DARS2: variants seen among roughly 807,000 people sequenced by gnomAD.
DARS2 encodes aspartyl-tRNA synthetase 2, mitochondrial, also known as aspartate--tRNA ligase, mitochondrial.
A neutral mutation model predicts 83.0 loss-of-function variants in DARS2; 63 were observed. The observed-to-expected ratio is 0.76, with a 90% CI of 0.62 to 0.94. DARS2 has a LOEUF of 0.94. Ranked by LOEUF, DARS2 falls within the 40% of genes least tolerant of loss-of-function variation. DARS2 has a pLI of 0.00. For synonymous variants in DARS2, 250 were observed against 269.3 expected (o/e 0.93, Z 0.70); for missense variants, 675 against 774.4 (o/e 0.87, Z 1.52).
chr1:173,830,561 C>A, intron 3 of DARS2, 99 bp from the exon 4 acceptor site: 1 of 965,542 alleles, frequency 1.0e-6, no homozygotes, highest in Non-Finnish European at 1.7e-6. Flanking sequence ...GGTAATTAAG[C>A]TGTGACTATT....
intron 7 of DARS2, 86 bp from the exon 8 acceptor site, chr1:173,836,854 T>G: frequency 9.2e-7 from 1 of 1,089,230 alleles, no homozygotes; most frequent in Non-Finnish European, 1.4e-6. Flanking sequence ...TAAACTGAAG[T>G]AACAACTTCT....
At chr1:173,826,636 T>C (rs1208556305) in intron 1 of DARS2, 51 bp from the exon 2 acceptor site, 2 of 1,343,980 alleles carry the variant, frequency 1.5e-6, no homozygotes, top group South Asian at 2.5e-5. Flanking sequence ...CTGCAAGTGA[T>C]GTATTTTTAA....
chr1:173,847,677 G>A (rs1653486465), intron 12 of DARS2, among the ~76,000 whole-genome samples: 1 of 151,844 alleles, frequency 6.6e-6, no homozygotes, highest in African/African-American at 2.4e-5. Flanking sequence ...ATCCATCCTA[G>A]TATTCTGCCA....
At chr1:173,847,616 TAAAG>T (rs1653483887) in intron 12 of DARS2, among the ~76,000 whole-genome samples, 1 of 152,152 alleles carries the variant, frequency 6.6e-6, no homozygotes, top group Non-Finnish European at 1.5e-5. Flanking sequence ...GTTCAAAAAA[TAAAG>T]AACCATTAAT....
Position 173,826,682 on chromosome 1 carries a change from T to TTTA in DARS2, c.128-5_128-4insTTA. Reference sequence around the variant, plus strand: ...TAAAGTTTCTTTTTTTTTTTTTTTTTAAAGAATTCAGTAGCTTTGTTGTCC... The same window carrying TTTA: ...TAAAGTTTCTTTTTTTTTTTTTTTTTTTAAAAGAATTCAGTAGCTTTGTTGTCC... On this transcript the variant is annotated splice_region_variant and splice_polypyrimidine_tract_variant and intron_variant, in intron 1 of 16. Coordinates refer to ENST00000649689, the MANE Select transcript of DARS2 (RefSeq NM_018122.5). 1 of 1,548,742 alleles carries TTTA rather than the reference T, an allele frequency of 6.5e-7. No homozygotes were observed.
chr1:173,838,765 T>C (rs1231740833), intron 9 of DARS2, among the ~76,000 whole-genome samples: 1 of 152,140 alleles, frequency 6.6e-6, no homozygotes, highest in East Asian at 1.9e-4. Context: ...AGACAGAGTC[T>C]CGCTCTGTCT....
chr1:173,845,299 GTTAA>G lies in DARS2; in HGVS notation c.1191+12_1191+15del, dbSNP rs1653391245. On this transcript the variant is annotated intron_variant, in intron 12 of 16. Transcript: ENST00000649689. ...GCTGACCATTTTAATCAGGTAAGGA[GTTAA>G]TTAGAGCAGTTTTTTTCCTTATACA... is the stretch of plus-strand genomic sequence containing the variant. 6.3e-7 allele frequency: 1 copy of G among 1,598,100 alleles called. No homozygotes were observed. The highest frequency in any genetic ancestry group is 1.3e-5 in the African/African-American group (1 of 74,544).
intron 1 of DARS2, 124 bp from the exon 2 acceptor site, chr1:173,826,563 A>G: frequency 1.5e-6 from 1 of 684,082 alleles, no homozygotes; most frequent in Non-Finnish European, 2.5e-6. Flanking sequence ...TTTATTTTAT[A>G]AATTTCCCCT....
chr1:173,853,727 G>C (rs537632996), intron 14 of DARS2, 68 bp from the exon 15 acceptor site: 1 of 1,524,934 alleles, frequency 6.6e-7, no homozygotes, highest in Non-Finnish European at 9.1e-7. Flanking sequence ...AAAATCTACA[G>C]GGTCTTCAAC....
chr1:173,828,364 G>A lies in DARS2; in HGVS notation c.259G>A (p.Asp87Asn), dbSNP rs1209550754. The A allele has an allele frequency of 4.4e-6, 7 of 1,608,686 alleles. No homozygotes were observed. The highest frequency in any genetic ancestry group is 2.2e-5 in the South Asian group (2 of 90,868). Reference protein sequence around the residue: ...QNTFLVLRDFDGLVQVIIPQD... With the variant: ...QNTFLVLRDFNGLVQVIIPQD... ...CACATTCTTGGTCCTAAGAGATTTC[G>A]ATGGGCTTGTTCAAGTTATCATTCC... Residue 87 changes from aspartate to asparagine, a missense_variant, in exon 3 of 17, where the codon GAT (aspartate) becomes AAT (asparagine). Coordinates refer to ENST00000649689, the MANE Select transcript of DARS2 (RefSeq NM_018122.5).
chr1:173,831,553 AT>A lies in DARS2; in HGVS notation c.417del (p.Ile139MetfsTer11). ...CTCCAAGAAAATGCCAACAGGTGAG[AT>A]TGAAATCAAAGTTAAAACAGCTGAG... Reference protein sequence around the residue: ...QENPKMPTGEIEIKVKTAELL... With the variant: ...QENPKMPTGEXEIKVKTAELL... On this transcript the variant is annotated frameshift_variant, in exon 5 of 17. Coordinates refer to ENST00000649689, the MANE Select transcript of DARS2 (RefSeq NM_018122.5). LOFTEE classifies it high-confidence loss of function. 6.2e-7 allele frequency: 1 copy of A among 1,614,072 alleles called. No individual in the cohort carries two copies. The highest frequency in any genetic ancestry group is 8.5e-7 in the Non-Finnish European group (1 of 1,179,924).
Position 173,857,889 on chromosome 1 carries a change from T to C in DARS2, c.*184T>C. On this transcript the variant is annotated 3_prime_UTR_variant, in exon 17 of 17. Coordinates refer to ENST00000649689, the MANE Select transcript of DARS2 (RefSeq NM_018122.5). ...AAAGATACCCAATTTTGACTTGATT[T>C]CATGCATCATTTGGATTTTTTTTGG... The C allele has an allele frequency of 1.5e-6, 1 of 675,742 alleles. No homozygotes were observed. The highest frequency in any genetic ancestry group is 2.5e-6 in the Non-Finnish European group (1 of 402,196). 41.9% of individuals were successfully genotyped at this position (675,742 alleles called of 1,614,324 possible).
chr1:173,833,182 G>T (rs957547876), intron 5 of DARS2, among the ~76,000 whole-genome samples, 194 bp from the exon 6 acceptor site: 14 of 152,096 alleles, frequency 9.2e-5, no homozygotes, highest in Non-Finnish European at 2.9e-5. Context: ...TATTAATAAT[G>T]AATAGTAAAA....
intron 3 of DARS2, among the ~76,000 whole-genome samples, chr1:173,829,204 A>AGTGTGTGTGTGT (rs10653648): frequency 6.7e-5 from 10 of 148,344 alleles, no homozygotes; most frequent in African/African-American, 2.2e-4. Flanking sequence ...ATATACATTC[A>AGTGTGTGTGTGT]GTGTGTGTGT....
intron 8 of DARS2, among the ~76,000 whole-genome samples, chr1:173,837,899 G>T (rs928949781): frequency 4.0e-5 from 6 of 151,890 alleles, no homozygotes; most frequent in African/African-American, 1.4e-4. Context: ...CTTGCCTCCC[G>T]AGTAGCTGGG....
At chr1:173,856,630 A>G (rs897990717) in intron 15 of DARS2, 36 bp from the exon 16 acceptor site, 2 of 1,603,598 alleles carry the variant, frequency 1.2e-6, no homozygotes, top group Non-Finnish European at 1.7e-6. Context: ...TGGACCTTCA[A>G]AATATATTTA....
chr1:173,842,736 G>A (rs1175149381), intron 11 of DARS2, among the ~76,000 whole-genome samples: 1 of 151,272 alleles, frequency 6.6e-6, no homozygotes, highest in African/African-American at 2.4e-5. Context: ...TCAGGAGTTT[G>A]AGACCAGCCT....
chr1:173,841,146 G>T (rs967873236), intron 11 of DARS2, among the ~76,000 whole-genome samples, 173 bp downstream of exon 11: 1 of 152,056 alleles, frequency 6.6e-6, no homozygotes, highest in Non-Finnish European at 1.5e-5. Context: ...AGGCCGAGGC[G>T]TGTGGATCAC....
At chr1:173,842,280 C>CTTTATT (rs1653250297) in intron 11 of DARS2, among the ~76,000 whole-genome samples, 1 of 61,494 alleles carries the variant, frequency 1.6e-5, no homozygotes, top group Non-Finnish European at 3.5e-5. Context: ...AGTCTCATTA[C>CTTTATT]TTTCTTTTTT....
Sources: gnomAD v4.1 joint callset for allele counts (sites outside exome capture counted in the v4.1 genomes callset) on GRCh38, gnomAD v4.1.1 for gene constraint, MANE v1.5 for transcripts, NCBI Gene and HGNC (gene_info 2026-07-23, HGNC 2026-07-21) for gene names.